GRIA2: variants seen among roughly 807,000 people sequenced by gnomAD.
GRIA2 encodes glutamate ionotropic receptor AMPA type subunit 2, also known as glutamate receptor 2.
In GRIA2, 14 loss-of-function variants were observed where a neutral mutation model predicts 97.3. The ratio of observed to expected loss-of-function variants is 0.14; its 90% CI spans 0.10 to 0.23. The LOEUF is 0.23. GRIA2 is among the 10% of genes least tolerant of loss of function. The pLI is 1.00. For synonymous variants in GRIA2, 412 were observed against 387.8 expected, an observed-to-expected ratio of 1.06 and a Z score of -0.73; for missense variants, 558 against 1,069.8, an observed-to-expected ratio of 0.52 and a Z score of 6.67.
At chr4:157,228,630 TA>T (rs1393481392) in intron 2 of GRIA2, among the ~76,000 whole-genome samples, 1 of 151,580 alleles carries the variant, frequency 6.6e-6, no homozygotes, top group East Asian at 1.9e-4. Context: ...TTGTCTCTAC[TA>T]AAAGTACAAG....
At chr4:157,352,958 C>A (rs1736080221) in intron 12 of GRIA2, among the ~76,000 whole-genome samples, 1 of 151,998 alleles carries the variant, frequency 6.6e-6, no homozygotes. Flanking sequence ...ACCGGAGAGG[C>A]TGAGGCAGGA....
chr4:157,365,218 T>C lies in GRIA2; in HGVS notation c.*1787T>C, dbSNP rs947424896. ...AACATGGAGGCATGTGGTATCATGA[T>C]ATTCTTCACTAAATTTAGCTGTCCC... On this transcript the variant is annotated 3_prime_UTR_variant, in exon 16 of 16. Transcript: ENST00000264426. The C allele has an allele frequency of 6.6e-6, 1 of 151,708 alleles. No homozygotes were observed. Among genetic ancestry groups the C allele is most frequent in the Non-Finnish European group, 1.5e-5 (1 of 67,686 alleles). The allele number at this position is 151,708 out of a possible 1,614,324, so 9.4% of individuals were successfully genotyped here.
chr4:157,273,302 G>A (rs770647461), intron 2 of GRIA2, among the ~76,000 whole-genome samples: 23 of 151,916 alleles, frequency 1.5e-4, no homozygotes, highest in African/African-American at 3.9e-4. Context: ...CTATATTTAC[G>A]GTGGTTCCTT....
At position 157,221,461 on chromosome 4, in the gene GRIA2, T is replaced by G. The variant is rs1729488742; in HGVS notation, c.89-206T>G. On this transcript the variant is annotated intron_variant, in intron 1 of 15. Coordinates refer to ENST00000264426, the MANE Select transcript of GRIA2 (RefSeq NM_001083619.3). Reference sequence around the variant, plus strand: ...GGAAAGGTGAAGGTTTCTGGCCGCCTACCTCGCCTTCAGACTCTCATCTGG... The same window carrying G: ...GGAAAGGTGAAGGTTTCTGGCCGCCGACCTCGCCTTCAGACTCTCATCTGG... The G allele has an allele frequency of 5.1e-6, 3 of 591,432 alleles. No homozygotes were observed. The South Asian group carries it at 6.5e-5, about 13-fold the overall frequency. The allele number at this position is 591,432 out of a possible 1,614,324, so 36.6% of individuals were successfully genotyped here.
intron 2 of GRIA2, among the ~76,000 whole-genome samples, chr4:157,286,310 G>T (rs1435274742): frequency 6.6e-6 from 1 of 151,466 alleles, no homozygotes; most frequent in African/African-American, 2.4e-5. Flanking sequence ...ACATGAAAAT[G>T]TCTATTCAAA....
At chr4:157,314,750 G>A (rs891063933) in intron 4 of GRIA2, among the ~76,000 whole-genome samples, 4 of 152,120 alleles carry the variant, frequency 2.6e-5, no homozygotes, top group Non-Finnish European at 5.9e-5. Flanking sequence ...ACGTCCATAT[G>A]GACATCTATT....
chr4:157,306,345 C>T lies in GRIA2; in HGVS notation c.469+2554C>T, dbSNP rs534493691. On this transcript the variant is annotated intron_variant, in intron 3 of 15. Transcript: ENST00000264426. ...TAGCCTGTGAAGATGGATGGACTTACGTACTTGTGAAAAAAATCTGGAACA... is the reference window on the plus strand; with the variant it reads ...TAGCCTGTGAAGATGGATGGACTTATGTACTTGTGAAAAAAATCTGGAACA... Among the ~76,000 whole-genome samples, 219 of 152,114 alleles carry T rather than the reference C, an allele frequency of 1.4e-3. 1 individual carries two copies. Among genetic ancestry groups the T allele is most frequent in the Non-Finnish European group, 3.1e-4 (21 of 68,000 alleles).
intron 2 of GRIA2, among the ~76,000 whole-genome samples, chr4:157,276,383 T>A (rs1732313160): frequency 6.6e-6 from 1 of 151,972 alleles, no homozygotes; most frequent in Non-Finnish European, 1.5e-5. Context: ...GCAAAAGAAG[T>A]GCTTGGAGGG....
rs568159282 is a variant in GRIA2 at position 157,286,940 on chromosome 4, A to T, written c.230-16612A>T. ...CAGTATCTGAAGTAGCCTTTGTGAA[A>T]GTCAATTTATTGAGTTGTGTTTTCT... On this transcript the variant is annotated intron_variant, in intron 2 of 15. Coordinates refer to ENST00000264426, the MANE Select transcript of GRIA2 (RefSeq NM_001083619.3). Among the ~76,000 whole-genome samples, 143 of 151,738 alleles carry T rather than the reference A, an allele frequency of 9.4e-4. 1 individual carries two copies. The South Asian group carries it at 0.028, about 30-fold the overall frequency.
At chr4:157,363,193 C>T (rs1736713189) in intron 15 of GRIA2, 146 bp downstream of exon 15, 1 of 871,372 alleles carries the variant, frequency 1.1e-6, no homozygotes, top group Non-Finnish European at 1.8e-6. Context: ...TGGTGACTAA[C>T]CTGCAGCTCA....
At chr4:157,258,575 A>G (rs1357030562) in intron 2 of GRIA2, among the ~76,000 whole-genome samples, 4 of 151,996 alleles carry the variant, frequency 2.6e-5, no homozygotes, top group African/African-American at 9.7e-5. Flanking sequence ...TTGTCCTGTC[A>G]TCTCGCCCTG....
rs1394103869 is a variant in GRIA2 at position 157,334,078 on chromosome 4, C to T, written c.1224C>T (p.Thr408=). Residue 408 remains threonine (T), a synonymous_variant, in exon 9 of 16, where the codon ACC becomes ACT. Coordinates refer to ENST00000264426, the MANE Select transcript of GRIA2 (RefSeq NM_001083619.3). ...CTGAGCTCCCTTCTGGAAATGACAC[C>T]TCTGGGCTTGAGAATAAGACTGTTG... ...TLTELPSGND[T]SGLENKTVVV... The T allele has an allele frequency of 1.9e-6, 3 of 1,609,720 alleles. No homozygotes were observed. The East Asian group carries it at 6.7e-5, about 36-fold the overall frequency.
At chr4:157,352,650 G>A (rs188440242) in intron 12 of GRIA2, among the ~76,000 whole-genome samples, 2 of 147,988 alleles carry the variant, frequency 1.4e-5, no homozygotes, top group East Asian at 4.1e-4. Context: ...AACCCAGGAG[G>A]TGGAGTTTGC....
At chr4:157,272,971 A>T (rs920727828) in intron 2 of GRIA2, among the ~76,000 whole-genome samples, 1 of 152,042 alleles carries the variant, frequency 6.6e-6, no homozygotes, top group African/African-American at 2.4e-5. Context: ...GTCTGTAGTA[A>T]ACCCATCATA....
At chr4:157,356,155 A>T (rs1359684895) in intron 12 of GRIA2, among the ~76,000 whole-genome samples, 5 of 128,830 alleles carry the variant, frequency 3.9e-5, no homozygotes, top group African/African-American at 1.2e-4. Context: ...ATATTTATTT[A>T]TTTATATATA....
intron 2 of GRIA2, among the ~76,000 whole-genome samples, chr4:157,235,256 T>C (rs1730192091): frequency 6.6e-6 from 1 of 152,118 alleles, no homozygotes; most frequent in African/African-American, 2.4e-5. Flanking sequence ...TTTCTTCCTT[T>C]CTTAAACTTT....
intron 2 of GRIA2, among the ~76,000 whole-genome samples, chr4:157,292,997 A>G (rs1012613607): frequency 2.0e-5 from 3 of 152,194 alleles, no homozygotes; most frequent in African/African-American, 7.2e-5. Flanking sequence ...AGTTGCCATT[A>G]TTAAAACAAA....
chr4:157,329,088 A>C (rs761755770), intron 6 of GRIA2, among the ~76,000 whole-genome samples: 18 of 151,990 alleles, frequency 1.2e-4, no homozygotes, highest in Non-Finnish European at 2.5e-4. Context: ...GTTGAATTTG[A>C]AATTAAGACA....
chr4:157,359,892 G>A lies in GRIA2; in HGVS notation c.2044-4G>A. On this transcript the variant is annotated splice_polypyrimidine_tract_variant and splice_region_variant and intron_variant, in intron 12 of 15. Coordinates refer to ENST00000264426, the MANE Select transcript of GRIA2 (RefSeq NM_001083619.3). ...TGCTATCTGGCCCCTTACTTTTCCT[G>A]CAGAGATCTAAAATTGCAGTGTTTG... 6.2e-7 allele frequency: 1 copy of A among 1,612,922 alleles called. No individual in the cohort carries two copies. The highest frequency in any genetic ancestry group is 1.1e-5 in the South Asian group (1 of 91,030).
Sources: gnomAD v4.1 joint callset for allele counts (sites outside exome capture counted in the v4.1 genomes callset) on GRCh38, gnomAD v4.1.1 for gene constraint, MANE v1.5 for transcripts, NCBI Gene and HGNC (gene_info 2026-07-23, HGNC 2026-07-21) for gene names.